ZDHHC17: variants seen among roughly 807,000 people sequenced by gnomAD.
ZDHHC17 encodes zDHHC palmitoyltransferase 17.
Under a neutral mutation model 90.3 loss-of-function variants are expected in ZDHHC17, and 40 were observed. The ratio of observed to expected loss-of-function variants is 0.44; its 90% CI spans 0.34 to 0.58. ZDHHC17 has a LOEUF of 0.58. Among genes scored for constraint, ZDHHC17 ranks in the 20% least tolerant of loss-of-function variants. The pLI is 0.01. For missense variants in ZDHHC17, 614 were observed against 780.8 expected, an observed-to-expected ratio of 0.79 and a Z score of 2.55; for synonymous variants, 235 against 252.4, an observed-to-expected ratio of 0.93 and a Z score of 0.65.
intron 15 of ZDHHC17, among the ~76,000 whole-genome samples, chr12:76,848,843 T>A (rs1347639774): frequency 1.3e-5 from 2 of 152,110 alleles, no homozygotes; most frequent in Non-Finnish European, 2.9e-5. Flanking sequence ...TTTTCCACAT[T>A]TAACTGGCTA....
Position 76,805,309 on chromosome 12 carries a change from T to G in ZDHHC17, c.198-8T>G. 6.3e-7 allele frequency: 1 copy of G among 1,586,514 alleles called. No individual in the cohort carries two copies. The highest frequency in any genetic ancestry group is 1.2e-5 in the South Asian group (1 of 86,830). On this transcript the variant is annotated splice_polypyrimidine_tract_variant and splice_region_variant and intron_variant, in intron 2 of 16. Transcript: ENST00000426126. Reference sequence around the variant, plus strand: ...TAATAACAATGCCATATTTTCTTTCTTTTCTAGATATGGAATATATGAACG... The same window carrying G: ...TAATAACAATGCCATATTTTCTTTCGTTTCTAGATATGGAATATATGAACG...
chr12:76,843,992 G>A (rs1430039937), intron 12 of ZDHHC17: 2 of 151,986 alleles, frequency 1.3e-5, no homozygotes, highest in African/African-American at 2.4e-5. Flanking sequence ...ATATATTCCG[G>A]CATTCTGAAA....
intron 1 of ZDHHC17, among the ~76,000 whole-genome samples, chr12:76,766,634 A>C (rs867520103): frequency 7.2e-5 from 11 of 152,208 alleles, no homozygotes; most frequent in African/African-American, 2.7e-4. Flanking sequence ...TTTGGGTCAG[A>C]CAGACTTGGA....
Position 76,826,927 on chromosome 12 carries a change from T to C in ZDHHC17, c.917T>C (p.Met306Thr). 1 of 1,511,654 alleles carries C rather than the reference T, an allele frequency of 6.6e-7. No individual in the cohort carries two copies. The highest frequency in any genetic ancestry group is 8.8e-7 in the Non-Finnish European group (1 of 1,142,230). The allele number at this position is 1,511,654 out of a possible 1,614,324, so 93.6% of individuals were successfully genotyped here. Residue 306 changes from methionine to threonine, a missense_variant, in exon 9 of 17, where the codon ATG (methionine) becomes ACG (threonine). Around this residue, in one of 5 missense-constraint regions of ZDHHC17, gnomAD observed 358 missense variants for 380.4 expected, o/e 0.94. Coordinates refer to ENST00000426126, the MANE Select transcript of ZDHHC17 (RefSeq NM_015336.4). ...KADKEFRQKV[M>T]LGTPFLVIWL... ...ATACAGGAATTTCGGCAGAAAGTAA[T>C]GTTAGGAACTCCTTTCCTAGTTATT... is the stretch of plus-strand genomic sequence containing the variant.
chr12:76,807,685 G>A (rs1952970938), intron 3 of ZDHHC17, among the ~76,000 whole-genome samples: 2 of 152,174 alleles, frequency 1.3e-5, no homozygotes, highest in Admixed American at 1.3e-4. Flanking sequence ...TTTAGAATCA[G>A]TTTGGAAATT....
intron 1 of ZDHHC17, among the ~76,000 whole-genome samples, chr12:76,789,325 C>G (rs966638810): frequency 6.6e-6 from 1 of 152,058 alleles, no homozygotes; most frequent in African/African-American, 2.4e-5. Flanking sequence ...TGGACATACA[C>G]AAATGATTAA....
intron 1 of ZDHHC17, among the ~76,000 whole-genome samples, chr12:76,789,737 A>G (rs1952737358): frequency 2.0e-5 from 3 of 152,246 alleles, no homozygotes; most frequent in South Asian, 2.1e-4. Flanking sequence ...ATTAAAAACA[A>G]TAGTTGCCCT....
intron 1 of ZDHHC17, among the ~76,000 whole-genome samples, chr12:76,778,845 AT>A (rs982880810): frequency 2.6e-5 from 4 of 151,962 alleles, no homozygotes; most frequent in African/African-American, 9.7e-5. Flanking sequence ...AACAATGGAA[AT>A]TTTTTTTCTC....
chr12:76,835,952 TG>T (rs1284884049), intron 10 of ZDHHC17, among the ~76,000 whole-genome samples: 1 of 151,796 alleles, frequency 6.6e-6, no homozygotes, highest in Non-Finnish European at 1.5e-5. Flanking sequence ...GAATTGTGTA[TG>T]TTTTTTTCTT....
chr12:76,773,963 T>A (rs1402614284), intron 1 of ZDHHC17, among the ~76,000 whole-genome samples: 1 of 152,186 alleles, frequency 6.6e-6, no homozygotes, highest in Non-Finnish European at 1.5e-5. Context: ...TAAAATATAC[T>A]TCTGGCTGAG....
intron 5 of ZDHHC17, among the ~76,000 whole-genome samples, chr12:76,813,673 T>C (rs1397243832): frequency 6.6e-6 from 1 of 152,054 alleles, no homozygotes; most frequent in African/African-American, 2.4e-5. Context: ...GTAACACAAC[T>C]TGGATTAGAA....
At chr12:76,822,317 A>G in intron 7 of ZDHHC17, 89 bp from the exon 8 acceptor site, 2 of 1,508,850 alleles carry the variant, frequency 1.3e-6, no homozygotes, top group Non-Finnish European at 1.8e-6. Flanking sequence ...ATAGGGCAGT[A>G]AATTAATTTT....
At chr12:76,770,549 A>T (rs1952479834) in intron 1 of ZDHHC17, among the ~76,000 whole-genome samples, 1 of 152,204 alleles carries the variant, frequency 6.6e-6, no homozygotes, top group Non-Finnish European at 1.5e-5. Context: ...TGTATTTTTT[A>T]AAATTAGAAA....
intron 10 of ZDHHC17, 23 bp from the exon 11 acceptor site, chr12:76,841,959 T>G: frequency 6.9e-7 from 1 of 1,444,678 alleles, no homozygotes; most frequent in South Asian, 1.6e-5. Flanking sequence ...CATTGCTTCT[T>G]TAGATTCCTT....
rs546798838 is a variant in ZDHHC17, at chr12:76,811,117, C to T, written c.543+1260C>T. Among the ~76,000 whole-genome samples the T allele has an allele frequency of 6.7e-4, 102 of 152,132 alleles. 1 individual carries two copies. The highest frequency in any genetic ancestry group is 2.0e-3 in the African/African-American group (83 of 41,418). On this transcript the variant is annotated intron_variant, in intron 5 of 16. Transcript: ENST00000426126. ...CTTAGGTCTTGAACTGACACAGCAA[C>T]GTTTTTTCTCCATTCTATCAGTTAA... is the stretch of plus-strand genomic sequence containing the variant.
At chr12:76,813,892 A>G (rs1446678781) in intron 5 of ZDHHC17, among the ~76,000 whole-genome samples, 1 of 152,112 alleles carries the variant, frequency 6.6e-6, no homozygotes, top group Admixed American at 6.6e-5. Flanking sequence ...TTAGCCTACA[A>G]TCTCATAGCA....
rs895412863 is a variant in ZDHHC17, at chr12:76,816,974, C to G, written c.771+955C>G. On this transcript the variant is annotated intron_variant, in intron 7 of 16. Coordinates refer to ENST00000426126, the MANE Select transcript of ZDHHC17 (RefSeq NM_015336.4). The stretch of plus-strand genomic sequence containing the variant: ...CCTAACAAAAGTGATCAGAATAGTT[C>G]CATATCTGCCACTAAACATAGGGAA... Among the ~76,000 whole-genome samples the G allele has an allele frequency of 2.6e-5, 4 of 151,916 alleles. No homozygotes were observed. In the East Asian group the frequency reaches 7.7e-4, roughly 29 times the overall value.
intron 1 of ZDHHC17, among the ~76,000 whole-genome samples, chr12:76,795,865 G>A (rs1952813509): frequency 6.6e-6 from 1 of 152,056 alleles, no homozygotes; most frequent in Admixed American, 6.5e-5. Flanking sequence ...TGTGAATCTT[G>A]GCTTAAGAAT....
At chr12:76,847,210 T>G (rs1211833275) in intron 14 of ZDHHC17, among the ~76,000 whole-genome samples, 1 of 152,228 alleles carries the variant, frequency 6.6e-6, no homozygotes, top group African/African-American at 2.4e-5. Context: ...AAATGATAGA[T>G]TTTTGTTGCA....
Sources: gnomAD v4.1 joint callset for allele counts (sites outside exome capture counted in the v4.1 genomes callset) on GRCh38, gnomAD v4.1.1 for gene constraint, gnomAD v4.1.1 regional missense constraint, MANE v1.5 for transcripts, NCBI Gene and HGNC (gene_info 2026-07-23, HGNC 2026-07-21) for gene names.